FHOD3: variants seen among roughly 807,000 people sequenced by gnomAD.
FHOD3 encodes the protein formin homology 2 domain containing 3.
Under a neutral mutation model 173.0 loss-of-function variants are expected in FHOD3, and 90 were observed. The ratio of observed to expected loss-of-function variants is 0.52; its 90% CI spans 0.44 to 0.62. The LOEUF is 0.62. Ranked by LOEUF, FHOD3 falls within the 20% of genes least tolerant of loss-of-function variation. FHOD3 has a pLI of 0.00. For missense variants in FHOD3, 1,945 were observed against 2,034.7 expected (o/e 0.96, Z 0.85); for synonymous variants, 828 against 823.0 (o/e 1.01, Z -0.10).
chr18:36,547,268 T>G (rs1421555481), intron 5 of FHOD3, among the ~76,000 whole-genome samples: 1 of 152,126 alleles, frequency 6.6e-6, no homozygotes, highest in Non-Finnish European at 1.5e-5. Context: ...GAGTGGAAAG[T>G]TTCTCCTTCC....
intron 19 of FHOD3, among the ~76,000 whole-genome samples, chr18:36,726,875 A>G (rs949618332): frequency 6.6e-5 from 10 of 152,104 alleles, no homozygotes; most frequent in African/African-American, 2.2e-4. Context: ...GGGTTTCACT[A>G]TGTTGGCCAG....
intron 3 of FHOD3, among the ~76,000 whole-genome samples, chr18:36,482,858 C>CACACACACACAGAGAGAG (rs1400178557): frequency 2.3e-5 from 3 of 130,374 alleles, no homozygotes; most frequent in African/African-American, 9.3e-5. Context: ...CACACACACA[C>CACACACACACAGAGAGAG]AGAGAGAGAG....
intron 3 of FHOD3, among the ~76,000 whole-genome samples, chr18:36,451,604 C>T (rs1221123760): frequency 6.6e-6 from 1 of 152,198 alleles, no homozygotes; most frequent in African/African-American, 2.4e-5. Flanking sequence ...CCTTTTGCCT[C>T]CCTCCTCTTC....
chr18:36,662,765 T>C (rs2036898361), intron 14 of FHOD3, among the ~76,000 whole-genome samples: 1 of 152,208 alleles, frequency 6.6e-6, no homozygotes, highest in Admixed American at 6.5e-5. Flanking sequence ...GTGGTCAATA[T>C]GTTATTATTA....
chr18:36,324,757 C>T (rs1234183612), intron 1 of FHOD3, among the ~76,000 whole-genome samples: 1 of 152,136 alleles, frequency 6.6e-6, no homozygotes, highest in Non-Finnish European at 1.5e-5. Context: ...ACCCACATAC[C>T]CACTTTTAAA....
chr18:36,402,629 T>C (rs1047031136), intron 3 of FHOD3, among the ~76,000 whole-genome samples: 1 of 152,006 alleles, frequency 6.6e-6, no homozygotes, highest in Non-Finnish European at 1.5e-5. Flanking sequence ...AGTCCATTTT[T>C]CCACGACTTT....
chr18:36,351,434 A>G (rs1044253008), intron 1 of FHOD3, among the ~76,000 whole-genome samples: 1 of 152,156 alleles, frequency 6.6e-6, no homozygotes, highest in African/African-American at 2.4e-5. Flanking sequence ...ACTGAGGATG[A>G]ACGTCCACCC....
intron 3 of FHOD3, among the ~76,000 whole-genome samples, chr18:36,464,134 G>C (rs1280217434): frequency 1.3e-5 from 2 of 152,160 alleles, no homozygotes; most frequent in African/African-American, 4.8e-5. Flanking sequence ...GACCGTATCT[G>C]TGGCCAGGTT....
intron 10 of FHOD3, among the ~76,000 whole-genome samples, chr18:36,635,682 C>T (rs1167950887): frequency 6.6e-6 from 1 of 152,188 alleles, no homozygotes; most frequent in African/African-American, 2.4e-5. Flanking sequence ...TCAGTAAGCT[C>T]CTGGATGTAT....
rs533895175 is a variant in FHOD3, at chr18:36,436,844, A to C, written c.337+64100A>C. On this transcript the variant is annotated intron_variant, in intron 3 of 28. Transcript: ENST00000590592. ...TCATTTTGGATAAAAGTTGAAAATTAATGTTCTGAGCTTGCCAAAATTATG... is the reference window on the plus strand; with the variant it reads ...TCATTTTGGATAAAAGTTGAAAATTCATGTTCTGAGCTTGCCAAAATTATG... 4.6e-5 allele frequency among the ~76,000 whole-genome samples: 7 copies of C among 152,298 alleles called. No individual in the cohort carries two copies. The South Asian group carries it at 1.5e-3, about 32-fold the overall frequency.
chr18:36,641,905 A>G (rs2035332284), intron 10 of FHOD3, among the ~76,000 whole-genome samples: 1 of 150,882 alleles, frequency 6.6e-6, no homozygotes, highest in Non-Finnish European at 1.5e-5. Flanking sequence ...GTGAGCCAAG[A>G]TTGCGCCACT....
chr18:36,683,062 A>T (rs1472413268), intron 15 of FHOD3, among the ~76,000 whole-genome samples: 4 of 152,220 alleles, frequency 2.6e-5, no homozygotes, highest in African/African-American at 9.7e-5. Flanking sequence ...AAGTAAACCA[A>T]CATCATTTCC....
intron 3 of FHOD3, among the ~76,000 whole-genome samples, chr18:36,440,390 A>G (rs1599125947): frequency 1.3e-5 from 2 of 151,486 alleles, no homozygotes; most frequent in East Asian, 3.9e-4. Context: ...CTGATCTCCC[A>G]CTCCCCTTCC....
At chr18:36,611,260 C>T (rs891022874) in intron 8 of FHOD3, among the ~76,000 whole-genome samples, 9 of 152,192 alleles carry the variant, frequency 5.9e-5, no homozygotes, top group African/African-American at 2.2e-4. Flanking sequence ...TCTATTGCCA[C>T]GTAACAAATT....
At chr18:36,678,041 T>G (rs1028760396) in intron 14 of FHOD3, among the ~76,000 whole-genome samples, 1 of 152,214 alleles carries the variant, frequency 6.6e-6, no homozygotes, top group South Asian at 2.1e-4. Flanking sequence ...AGACTCTTAA[T>G]AAAATAACAT....
At chr18:36,626,050 A>G (rs2034083534) in intron 10 of FHOD3, among the ~76,000 whole-genome samples, 2 of 152,224 alleles carry the variant, frequency 1.3e-5, no homozygotes, top group South Asian at 4.1e-4. Flanking sequence ...GCTGTGTTTT[A>G]TCAAATGGAA....
At chr18:36,649,235 C>A in intron 10 of FHOD3, 81 bp from the exon 11 acceptor site, 2 of 860,326 alleles carry the variant, frequency 2.3e-6, no homozygotes, top group South Asian at 1.7e-5. Context: ...GTTTTTGCTT[C>A]ATCTTCCTGT....
At chr18:36,743,051 C>G (rs2041978215) in intron 22 of FHOD3, among the ~76,000 whole-genome samples, 195 bp downstream of exon 22, 1 of 152,180 alleles carries the variant, frequency 6.6e-6, no homozygotes, top group South Asian at 2.1e-4. Context: ...TGGCTCACAC[C>G]TGTAATCCCA....
intron 3 of FHOD3, among the ~76,000 whole-genome samples, chr18:36,380,644 C>CCTTTCCT (rs2047730527): frequency 1.4e-5 from 1 of 73,070 alleles, no homozygotes; most frequent in African/African-American, 6.3e-5. Flanking sequence ...TTTCCTTTCT[C>CCTTTCCT]TGTATCTCTT....
Sources: gnomAD v4.1 joint callset for allele counts (sites outside exome capture counted in the v4.1 genomes callset) on GRCh38, gnomAD v4.1.1 for gene constraint, MANE v1.5 for transcripts, NCBI Gene and HGNC (gene_info 2026-07-23, HGNC 2026-07-21) for gene names.